The following CALD1 variants were observed in gnomAD, a reference collection of about 807,000 sequenced individuals.
CALD1 encodes the protein caldesmon.
Under a neutral mutation model 99.9 loss-of-function variants are expected in CALD1, and 33 were observed. The ratio of observed to expected loss-of-function variants is 0.33; its 90% CI spans 0.25 to 0.44. The LOEUF (loss-of-function observed/expected upper bound fraction) is 0.44, where lower values mean the gene tolerates loss of function less well. Ranked by LOEUF, CALD1 falls within the 20% of genes least tolerant of loss-of-function variation. The probability of loss-of-function intolerance (pLI) is 1.00; values close to 1 mark genes in which losing one functional copy is unlikely to be tolerated. For synonymous variants in CALD1, 310 were observed against 325.0 expected (o/e 0.95, Z 0.50); for missense variants, 861 against 962.1 (o/e 0.89, Z 1.39).
chr7:134,931,781 T>C (rs548021852), intron 4 of CALD1, among the ~76,000 whole-genome samples: 1 of 152,310 alleles, frequency 6.6e-6, no homozygotes, highest in East Asian at 1.9e-4. Context: ...CTTTCCTTTT[T>C]AAAATAAATG....
chr7:134,711,728 C>A, the CALD1 span, among the ~76,000 whole-genome samples: 1 of 100,710 alleles, frequency 9.9e-6, no homozygotes, highest in African/African-American at 3.8e-5. Flanking sequence ...GTGTGTGTGT[C>A]TCTCTCTCTG....
chr7:134,754,800 A>C (rs188166332), intron 1 of CALD1, among the ~76,000 whole-genome samples: 1 of 152,208 alleles, frequency 6.6e-6, no homozygotes, highest in Non-Finnish European at 1.5e-5. Context: ...AATTACAAAC[A>C]ATTGTATAAA....
intron 3 of CALD1, among the ~76,000 whole-genome samples, chr7:134,877,633 C>T (rs12155483): frequency 0.67 from 102,068 of 152,090 alleles, 34,689 homozygotes; most frequent in East Asian, 0.93. Flanking sequence ...TCCTTGTCAT[C>T]ATTTCTGAAC....
upstream of CALD1, among the ~76,000 whole-genome samples, chr7:134,775,842 A>G (rs1796914757): frequency 6.6e-6 from 1 of 152,218 alleles, no homozygotes; most frequent in Non-Finnish European, 1.5e-5. Flanking sequence ...TCATGCCCTT[A>G]ACTCAAGTTT....
intron 2 of CALD1, among the ~76,000 whole-genome samples, chr7:134,852,310 T>C (rs1414509348): frequency 6.7e-6 from 1 of 150,016 alleles, no homozygotes; most frequent in Non-Finnish European, 1.5e-5. Context: ...GAAATGAGGG[T>C]GAAATTATTG....
the CALD1 span, among the ~76,000 whole-genome samples, chr7:134,711,628 T>TTCTCTCTCTCTCTCTCTCTCTC: frequency 1.4e-4 from 9 of 64,048 alleles, no homozygotes; most frequent in African/African-American, 8.5e-4. Flanking sequence ...CAACCTCAGC[T>TTCTCTCTCTCTCTCTCTCTCTC]TCTCTCTCTC....
chr7:134,779,555 AT>A (rs1797021791), upstream of CALD1: 1 of 397,342 alleles, frequency 2.5e-6, no homozygotes, highest in Non-Finnish European at 4.4e-6. Flanking sequence ...GACTGTAAAC[AT>A]AGGGGATATG....
intron 1 of CALD1, among the ~76,000 whole-genome samples, chr7:134,840,115 T>C (rs1799594775): frequency 6.6e-6 from 1 of 152,220 alleles, no homozygotes; most frequent in Non-Finnish European, 1.5e-5. Context: ...TACAAAATCT[T>C]TGCCTATCCC....
upstream of CALD1, among the ~76,000 whole-genome samples, chr7:134,739,781 C>A (rs1796577308): frequency 6.6e-6 from 1 of 151,954 alleles, no homozygotes; most frequent in Non-Finnish European, 1.5e-5. Flanking sequence ...CTTCCGTTGT[C>A]TTAAGCCACT....
At chr7:134,716,899 T>C in the CALD1 span, among the ~76,000 whole-genome samples, 17 of 152,302 alleles carry the variant, frequency 1.1e-4, no homozygotes, top group South Asian at 2.5e-3. Context: ...GGTCTTCGAT[T>C]TTTTGTGGTT....
intron 3 of CALD1, among the ~76,000 whole-genome samples, chr7:134,911,113 T>G (rs937870225): frequency 6.6e-5 from 10 of 152,130 alleles, no homozygotes; most frequent in African/African-American, 1.9e-4. Flanking sequence ...TAGCTTTTAG[T>G]AGGCTGCCGC....
In CALD1 at chr7:134,783,306, A is replaced by G. The variant is rs1797180043; in HGVS notation, c.-130+3557A>G. 6.6e-6 allele frequency among the ~76,000 whole-genome samples: 1 copy of G among 152,030 alleles called. No homozygotes were observed. The highest frequency in any genetic ancestry group is 2.1e-4 in the South Asian group (1 of 4,822). ...CCTTACCCCCAGGCCTCCACCTGTA[A>G]CCTCTTCCCCAGCTCCCCCATCCCT... is the stretch of plus-strand genomic sequence containing the variant. On this transcript the variant is annotated intron_variant, in intron 1 of 14. Transcript: ENST00000361675. This position sits in a 1 kb window ranked among gnomAD's most constrained non-coding sequence, Gnocchi z 4.3.
intron 2 of CALD1, among the ~76,000 whole-genome samples, chr7:134,852,115 C>T (rs1273872226): frequency 2.0e-5 from 3 of 152,122 alleles, no homozygotes; most frequent in Non-Finnish European, 2.9e-5. Flanking sequence ...ATTTGAACAG[C>T]AAGGCCATAT....
At chr7:134,875,625 G>A (rs1239720841) in intron 3 of CALD1, among the ~76,000 whole-genome samples, 2 of 152,178 alleles carry the variant, frequency 1.3e-5, no homozygotes, top group South Asian at 2.1e-4. Flanking sequence ...CAACAAGAGC[G>A]AATGCTTTGC....
chr7:134,916,950 G>A (rs1356011516), intron 3 of CALD1, among the ~76,000 whole-genome samples: 1 of 152,178 alleles, frequency 6.6e-6, no homozygotes, highest in Non-Finnish European at 1.5e-5. Flanking sequence ...CTAGGTGATT[G>A]TCTTCAGATA....
At position 134,779,765 on chromosome 7, in the gene CALD1, C is replaced by A; in HGVS notation, c.-130+16C>A. On this transcript the variant is annotated intron_variant, in intron 1 of 14. Coordinates refer to ENST00000361675, the MANE Select transcript of CALD1 (RefSeq NM_033138.4). ...AGACTACAAGGTAAGGCACAGAAGGCTTTCTTTTTTATCTTCTAGAGAGAA... is the reference window on the plus strand; with the variant it reads ...AGACTACAAGGTAAGGCACAGAAGGATTTCTTTTTTATCTTCTAGAGAGAA... 1 of 398,524 alleles carries A rather than the reference C, an allele frequency of 2.5e-6. No homozygotes were observed. The highest frequency in any genetic ancestry group is 6.3e-4 in the Middle Eastern group (1 of 1,588). 24.7% of individuals were successfully genotyped at this position (398,524 alleles called of 1,614,324 possible).
chr7:134,733,205 A>G, the CALD1 span, among the ~76,000 whole-genome samples: 1 of 152,212 alleles, frequency 6.6e-6, no homozygotes, highest in South Asian at 2.1e-4. Flanking sequence ...TTGTGCTACA[A>G]TTATAGGCTT....
intron 3 of CALD1, chr7:134,928,153 C>T: frequency 3.9e-6 from 1 of 258,534 alleles, no homozygotes; most frequent in South Asian, 3.6e-5. Flanking sequence ...CTTACAAGGC[C>T]AGGCCCGGTG....
the CALD1 span, among the ~76,000 whole-genome samples, chr7:134,722,289 C>T: frequency 6.6e-6 from 1 of 152,060 alleles, no homozygotes; most frequent in African/African-American, 2.4e-5. Flanking sequence ...CCTCTCTTAC[C>T]CTTTCACCAT....
Sources: gnomAD v4.1 joint callset for allele counts (sites outside exome capture counted in the v4.1 genomes callset) on GRCh38, gnomAD v4.1.1 for gene constraint, Gnocchi (gnomAD v3.1) non-coding constraint, MANE v1.5 for transcripts, NCBI Gene and HGNC (gene_info 2026-07-23, HGNC 2026-07-21) for gene names.